The following RBFOX2 variants were observed in gnomAD, a reference collection of about 807,000 sequenced individuals.
RBFOX2 encodes the protein RNA binding protein fox-1 homolog 2.
RBFOX2 carries 10 observed loss-of-function variants against 49.1 expected under a neutral mutation model. The observed-to-expected ratio is 0.20, with a 90% CI of 0.13 to 0.35. The LOEUF is 0.35. RBFOX2 is among the 10% of genes least tolerant of loss of function. The pLI is 1.00. For missense variants in RBFOX2, 323 were observed against 486.9 expected (o/e 0.66, Z 3.17); for synonymous variants, 183 against 187.4 (o/e 0.98, Z 0.19).
intron 1 of RBFOX2, among the ~76,000 whole-genome samples, chr22:35,854,877 A>G (rs1415356014): frequency 4.6e-5 from 7 of 152,178 alleles, no homozygotes; most frequent in Non-Finnish European, 8.8e-5. Flanking sequence ...GGAAAAAAAA[A>G]GGAGAATCTT....
At chr22:35,984,256 G>A (rs955906028) in intron 1 of RBFOX2, among the ~76,000 whole-genome samples, 12 of 152,168 alleles carry the variant, frequency 7.9e-5, no homozygotes, top group African/African-American at 2.9e-4. Flanking sequence ...GGTCTGGGTA[G>A]GGTATGGCCT....
chr22:35,744,061 TTC>T (rs1931256625), exon 12 of RBFOX2: 1 of 655,764 alleles, frequency 1.5e-6, no homozygotes, highest in African/African-American at 1.9e-5. Context: ...TAAAAAAGTA[TTC>T]TTTCTTTTTT....
chr22:35,853,241 C>T (rs910609602), intron 1 of RBFOX2, among the ~76,000 whole-genome samples: 10 of 150,750 alleles, frequency 6.6e-5, no homozygotes, highest in Non-Finnish European at 1.3e-4. Context: ...TTGCAGTGAC[C>T]CGAGATCGTA....
chr22:35,895,069 C>A (rs183279715), intron 1 of RBFOX2, among the ~76,000 whole-genome samples: 1 of 152,014 alleles, frequency 6.6e-6, no homozygotes, highest in East Asian at 1.9e-4. Context: ...ACCCTCCCTC[C>A]GTCCCTCCCT....
chr22:35,876,013 A>G (rs1020597420), intron 1 of RBFOX2, among the ~76,000 whole-genome samples: 1 of 152,182 alleles, frequency 6.6e-6, no homozygotes, highest in Non-Finnish European at 1.5e-5. Context: ...AAGGAAAATG[A>G]GAGTTACTGA....
intron 5 of RBFOX2, among the ~76,000 whole-genome samples, chr22:35,767,327 C>T (rs995594350): frequency 1.3e-5 from 2 of 152,154 alleles, no homozygotes; most frequent in East Asian, 3.8e-4. Flanking sequence ...TTTGTAATTA[C>T]ATTTTTAAAA....
chr22:35,748,369 CT>C (rs1297005942), intron 9 of RBFOX2: 1 of 152,118 alleles, frequency 6.6e-6, no homozygotes, highest in Non-Finnish European at 1.5e-5. Flanking sequence ...AGGAAGCACC[CT>C]TGGGGGCCGT....
chr22:35,776,780 T>C (rs528695109), intron 4 of RBFOX2, among the ~76,000 whole-genome samples: 77 of 152,312 alleles, frequency 5.1e-4, no homozygotes, highest in African/African-American at 1.6e-3. Context: ...TAAATATTTA[T>C]AGGCTTGGCT....
At chr22:35,998,416 G>A (rs988240488) in intron 1 of RBFOX2, 5 of 151,674 alleles carry the variant, frequency 3.3e-5, no homozygotes, top group Admixed American at 1.3e-4. Flanking sequence ...CGCTCTTGTC[G>A]CCCAAGGTGG....
At chr22:35,980,366 A>G (rs998792167) in intron 1 of RBFOX2, among the ~76,000 whole-genome samples, 2 of 152,186 alleles carry the variant, frequency 1.3e-5, no homozygotes, top group African/African-American at 2.4e-5. Context: ...ATCATTTTCT[A>G]AGAAGTAGTG....
chr22:36,019,883 T>C (rs2059175422), intron 1 of RBFOX2, among the ~76,000 whole-genome samples: 1 of 152,246 alleles, frequency 6.6e-6, no homozygotes, highest in Non-Finnish European at 1.5e-5. Context: ...CTTCACAGAA[T>C]TGGAAAAAAC....
At chr22:35,762,357 T>C (rs534030583) in intron 6 of RBFOX2, among the ~76,000 whole-genome samples, 1 of 152,078 alleles carries the variant, frequency 6.6e-6, no homozygotes, top group Non-Finnish European at 1.5e-5. Context: ...CTTTAATCAA[T>C]ATTAACTGAA....
chr22:35,756,860 A>T (rs185212731), intron 9 of RBFOX2, among the ~76,000 whole-genome samples: 159 of 147,082 alleles, frequency 1.1e-3, no homozygotes, highest in Admixed American at 2.4e-3. Context: ...AAATGTAATT[A>T]AAAAAAAAAC....
At chr22:35,985,889 T>TA (rs1166026224) in intron 1 of RBFOX2, among the ~76,000 whole-genome samples, 1 of 139,844 alleles carries the variant, frequency 7.2e-6, no homozygotes, top group African/African-American at 2.7e-5. Context: ...TCTAGATAGA[T>TA]AGATAGATAG....
At chr22:35,852,765 T>C (rs970123170) in intron 1 of RBFOX2, among the ~76,000 whole-genome samples, 14 of 152,178 alleles carry the variant, frequency 9.2e-5, no homozygotes, top group African/African-American at 3.4e-4. Context: ...CTGACTAACT[T>C]AAACTTCAAG....
chr22:35,798,580 G>T (rs1187752374), intron 2 of RBFOX2, among the ~76,000 whole-genome samples: 1 of 152,050 alleles, frequency 6.6e-6, no homozygotes, highest in Non-Finnish European at 1.5e-5. Context: ...TGGCGGCTAT[G>T]GTAACTCAAT....
At chr22:35,822,842 TGAGA>T in intron 1 of RBFOX2, 1 of 427,964 alleles carries the variant, frequency 2.3e-6, no homozygotes, top group Non-Finnish European at 4.6e-6. Flanking sequence ...TTTTTTTTTT[TGAGA>T]GTGAGTCTCA....
chr22:35,995,335 T>G (rs2058145920), intron 1 of RBFOX2: 1 of 152,126 alleles, frequency 6.6e-6, no homozygotes. Context: ...GAAAGAACAT[T>G]TGCCTTTCTC....
chr22:35,883,683 C>A (rs2046215410), intron 1 of RBFOX2, among the ~76,000 whole-genome samples: 1 of 152,216 alleles, frequency 6.6e-6, no homozygotes, highest in Non-Finnish European at 1.5e-5. Flanking sequence ...CAGAGGGGAT[C>A]TGCAATGTTT....
Sources: gnomAD v4.1 joint callset for allele counts (sites outside exome capture counted in the v4.1 genomes callset) on GRCh38, gnomAD v4.1.1 for gene constraint, MANE v1.5 for transcripts, NCBI Gene and HGNC (gene_info 2026-07-23, HGNC 2026-07-21) for gene names.